CDC16: variants seen among roughly 807,000 people sequenced by gnomAD.
CDC16 encodes cell division cycle protein 16 homolog.
CDC16 carries 34 observed loss-of-function variants against 87.0 expected under a neutral mutation model. That is an observed-to-expected ratio of 0.39 (90% CI 0.30 to 0.52). CDC16 has a LOEUF of 0.52. CDC16 is among the 20% of genes least tolerant of loss of function. The pLI, the probability that CDC16 is intolerant of heterozygous loss-of-function variation, is 0.74. For synonymous variants in CDC16, 263 were observed against 260.6 expected (o/e 1.01, Z -0.09); for missense variants, 653 against 751.9 (o/e 0.87, Z 1.54).
intron 12 of CDC16, among the ~76,000 whole-genome samples, chr13:114,254,070 T>C (rs117412581): frequency 0.011 from 1,740 of 152,146 alleles, 97 homozygotes; most frequent in Admixed American, 0.081. Flanking sequence ...CTAATAATAC[T>C]TTTTTTTATA....
intron 14 of CDC16, 39 bp from the exon 15 acceptor site, chr13:114,261,848 A>G: frequency 7.0e-7 from 1 of 1,431,946 alleles, no homozygotes; most frequent in Non-Finnish European, 9.7e-7. Flanking sequence ...CTGAACAGTG[A>G]CATATATAAC....
chr13:114,265,939 C>T (rs143980597), intron 17 of CDC16, among the ~76,000 whole-genome samples: 1 of 152,296 alleles, frequency 6.6e-6, no homozygotes, highest in East Asian at 1.9e-4. Flanking sequence ...CCTCAGCCTC[C>T]TGAGTAGCTT....
chr13:114,258,187 ATAG>A (rs1227903158), intron 13 of CDC16, among the ~76,000 whole-genome samples: 1 of 152,272 alleles, frequency 6.6e-6, no homozygotes, highest in Non-Finnish European at 1.5e-5. Context: ...TTTAAAATAA[ATAG>A]TAATCTTTTA....
At chr13:114,255,953 A>C (rs186580019) in intron 12 of CDC16, among the ~76,000 whole-genome samples, 1 of 152,240 alleles carries the variant, frequency 6.6e-6, no homozygotes, top group Non-Finnish European at 1.5e-5. Flanking sequence ...AGACAGGTCA[A>C]ATAGCAGCAG....
intron 12 of CDC16, among the ~76,000 whole-genome samples, chr13:114,253,454 C>T (rs1594619422): frequency 6.6e-6 from 1 of 151,970 alleles, no homozygotes; most frequent in Non-Finnish European, 1.5e-5. Flanking sequence ...TTTGGGAGGC[C>T]AGAGGGGTGT....
intron 14 of CDC16, 89 bp from the exon 15 acceptor site, chr13:114,261,798 G>C (rs1025027719): frequency 1.2e-6 from 1 of 868,212 alleles, no homozygotes; most frequent in East Asian, 2.8e-5. Flanking sequence ...AGAGAGCCCA[G>C]CTTGCAAGGC....
At chr13:114,235,240 G>A (rs2081187016) in intron 1 of CDC16, 108 bp downstream of exon 1, 1 of 754,832 alleles carries the variant, frequency 1.3e-6, no homozygotes, top group Non-Finnish European at 1.8e-6. Flanking sequence ...GGAAGGACTG[G>A]GCCGGCCCTG....
intron 6 of CDC16, 171 bp downstream of exon 6, chr13:114,242,451 CGGTGCCTTGTG>C: frequency 1.6e-6 from 1 of 625,386 alleles, no homozygotes; most frequent in Non-Finnish European, 2.7e-6. Flanking sequence ...CAGTATTGTA[CGGTGCCTTGTG>C]CTGTCCGAAT....
At chr13:114,253,695 A>G (rs2082330748) in intron 12 of CDC16, among the ~76,000 whole-genome samples, 1 of 141,604 alleles carries the variant, frequency 7.1e-6, no homozygotes, top group South Asian at 2.2e-4. Flanking sequence ...TCTCAAAAAA[A>G]AAAAAAAGAA....
Position 114,272,481 on chromosome 13 carries a change from G to A in CDC16, c.*38G>A, listed in dbSNP as rs376751373. 2.0e-5 allele frequency: 32 copies of A among 1,584,650 alleles called. No homozygotes were observed. The Admixed American group carries it at 5.6e-4, about 28-fold the overall frequency. ...GTCCTGGTCCCACTGTCCCAGTGTA[G>A]GTTAGTATTCCTTCACATCCTCTCC... On this transcript the variant is annotated 3_prime_UTR_variant, in exon 18 of 18. Transcript: ENST00000356221.
intron 11 of CDC16, among the ~76,000 whole-genome samples, chr13:114,247,675 C>G (rs891643469): frequency 3.9e-5 from 6 of 152,040 alleles, no homozygotes; most frequent in Non-Finnish European, 8.8e-5. Context: ...GTCAGGAGTT[C>G]AAGACCAGCC....
chr13:114,245,892 C>A (rs2081840458), intron 9 of CDC16, 108 bp from the exon 10 acceptor site: 3 of 662,672 alleles, frequency 4.5e-6, no homozygotes, highest in Admixed American at 6.4e-5. Context: ...AGTATGAAAT[C>A]ATTGCTGTAA....
chr13:114,260,512 A>G (rs535136364), intron 14 of CDC16, among the ~76,000 whole-genome samples: 1 of 152,356 alleles, frequency 6.6e-6, no homozygotes, highest in African/African-American at 2.4e-5. Flanking sequence ...CTGCAGTTTT[A>G]GCGTGATGCC....
In CDC16 at chr13:114,234,916, G is replaced by GGGGGTGCGGGTGT; in HGVS notation, c.-165_-153dup. 2 of 402,818 alleles carry GGGGGTGCGGGTGT rather than the reference G, an allele frequency of 5.0e-6. No individual in the cohort carries two copies. The highest frequency in any genetic ancestry group is 8.6e-6 in the Non-Finnish European group (2 of 232,852). 25.0% of individuals were successfully genotyped at this position (402,818 alleles called of 1,614,324 possible). A position where few individuals can be genotyped will look rare whatever the true frequency, so the allele number is the denominator to read the frequency against. On this transcript the variant is annotated 5_prime_UTR_variant, in exon 1 of 18. Transcript: ENST00000356221. ...CTGGGCAGTGCACGGGGCCTGGGTG[G>GGGGGTGCGGGTGT]GGGGTGCGGGTGTGGGTGGGGACCT... is the stretch of plus-strand genomic sequence containing the variant.
chr13:114,251,470 ATTTAC>A (rs1445360895), intron 12 of CDC16, among the ~76,000 whole-genome samples: 23 of 152,176 alleles, frequency 1.5e-4, no homozygotes, highest in African/African-American at 5.3e-4. Context: ...ACTTGTGTTT[ATTTAC>A]TTGTATGCAG....
Position 114,262,987 on chromosome 13 carries a change from T to C in CDC16, c.1485T>C (p.Phe495=). 1.9e-6 allele frequency: 3 copies of C among 1,614,098 alleles called. No homozygotes were observed. Among genetic ancestry groups the C allele is most frequent in the Non-Finnish European group, 2.5e-6 (3 of 1,179,894 alleles). Residue 495 remains phenylalanine, a synonymous_variant, in exon 16 of 18, where the codon TTT becomes TTC. Coordinates refer to ENST00000356221, the MANE Select transcript of CDC16 (RefSeq NM_001078645.3). Reference sequence around the variant, plus strand: ...ATATCCACAGTCTGATGGGCAACTTTGAAAATGCTGTGGACTACTTCCACA... The same window carrying C: ...ATATCCACAGTCTGATGGGCAACTTCGAAAATGCTGTGGACTACTTCCACA... The part of the protein sequence containing the change: ...IGYIHSLMGN[F]ENAVDYFHTA...
intron 12 of CDC16, among the ~76,000 whole-genome samples, chr13:114,255,221 T>G (rs903099876): frequency 6.6e-6 from 1 of 152,194 alleles, no homozygotes; most frequent in African/African-American, 2.4e-5. Context: ...TTTATGTAAT[T>G]TTGTTTTTCA....
Position 114,245,992 on chromosome 13 carries a change from C to G in CDC16, c.848-8C>G, listed in dbSNP as rs994596654. ...ACAATTGTTCTTTTTCTGCTTTTTC[C>G]TGAACAGAACTTTTCTATCTTTCTC... is the stretch of plus-strand genomic sequence containing the variant. On this transcript the variant is annotated splice_polypyrimidine_tract_variant and splice_region_variant and intron_variant, in intron 9 of 17. Coordinates refer to ENST00000356221, the MANE Select transcript of CDC16 (RefSeq NM_001078645.3). 6.8e-7 allele frequency: 1 copy of G among 1,462,936 alleles called. No individual in the cohort carries two copies. Among genetic ancestry groups the G allele is most frequent in the African/African-American group, 1.4e-5 (1 of 70,878 alleles). The allele number at this position is 1,462,936 out of a possible 1,614,324, so 90.6% of individuals were successfully genotyped here. A position where few individuals can be genotyped will look rare whatever the true frequency, so the allele number is the denominator to read the frequency against.
chr13:114,238,882 A>T (rs1347723268), intron 3 of CDC16, 108 bp from the exon 4 acceptor site: 1 of 1,396,132 alleles, frequency 7.2e-7, no homozygotes, highest in African/African-American at 1.4e-5. Flanking sequence ...CTGCAAGAGT[A>T]AAAGGAGAAA....
Sources: gnomAD v4.1 joint callset for allele counts (sites outside exome capture counted in the v4.1 genomes callset) on GRCh38, gnomAD v4.1.1 for gene constraint, MANE v1.5 for transcripts, NCBI Gene and HGNC (gene_info 2026-07-23, HGNC 2026-07-21) for gene names.